Variants in GALNTL6 observed in about 807,000 individuals in gnomAD.
GALNTL6 encodes polypeptide N-acetylgalactosaminyltransferase like 6, also known as polypeptide N-acetylgalactosaminyltransferase-like 6.
In GALNTL6, 46 loss-of-function variants were observed where a neutral mutation model predicts 73.7. The ratio of observed to expected loss-of-function variants is 0.62; its 90% CI spans 0.49 to 0.80. The LOEUF (loss-of-function observed/expected upper bound fraction) is 0.80, where lower values mean the gene tolerates loss of function less well. Among genes scored for constraint, GALNTL6 ranks in the 30% least tolerant of loss-of-function variants. GALNTL6 has a pLI of 0.00. For synonymous variants in GALNTL6, 259 were observed against 263.7 expected (o/e 0.98, Z 0.17); for missense variants, 604 against 755.0 (o/e 0.80, Z 2.34).
chr4:172,036,101 A>G (rs899219346), intron 2 of GALNTL6, among the ~76,000 whole-genome samples: 3 of 152,130 alleles, frequency 2.0e-5, no homozygotes, highest in Non-Finnish European at 2.9e-5. Context: ...CCCAGTAAGT[A>G]TCCCAAAAGT....
chr4:171,980,557 A>G (rs979736477), intron 2 of GALNTL6, among the ~76,000 whole-genome samples: 5 of 152,240 alleles, frequency 3.3e-5, no homozygotes, highest in African/African-American at 9.6e-5. Flanking sequence ...TGCAGTGTGT[A>G]TATTTGTATG....
chr4:172,636,384 A>G (rs2111108935), intron 5 of GALNTL6, among the ~76,000 whole-genome samples: 1 of 152,314 alleles, frequency 6.6e-6, no homozygotes, highest in Admixed American at 6.5e-5. Flanking sequence ...CAGACCTCCA[A>G]ATGTTTCCTT....
intron 5 of GALNTL6, among the ~76,000 whole-genome samples, chr4:172,801,615 G>T (rs1454392963): frequency 6.6e-6 from 1 of 152,154 alleles, no homozygotes; most frequent in Non-Finnish European, 1.5e-5. Flanking sequence ...CAGGGCACTA[G>T]GTCTGGGGCT....
At chr4:172,995,925 C>T (rs991725842) in intron 10 of GALNTL6, among the ~76,000 whole-genome samples, 7 of 152,188 alleles carry the variant, frequency 4.6e-5, no homozygotes, top group Admixed American at 2.0e-4. Context: ...CGCCTCTGTT[C>T]CAACAGGGCA....
At chr4:172,111,092 A>G (rs912852527) in intron 2 of GALNTL6, among the ~76,000 whole-genome samples, 3 of 152,238 alleles carry the variant, frequency 2.0e-5, no homozygotes, top group South Asian at 4.1e-4. Flanking sequence ...AATCAGCATC[A>G]TTAGATAATC....
intron 2 of GALNTL6, among the ~76,000 whole-genome samples, chr4:171,927,233 A>C (rs1560844715): frequency 1.3e-5 from 2 of 152,136 alleles, no homozygotes; most frequent in Admixed American, 6.5e-5. Flanking sequence ...TTAACTGATA[A>C]GATGCCTTCT....
chr4:172,351,185 A>ATCTG (rs1561040531), intron 5 of GALNTL6, among the ~76,000 whole-genome samples: 1 of 41,042 alleles, frequency 2.4e-5, no homozygotes, highest in Non-Finnish European at 5.7e-5. Context: ...TAATCTGTCT[A>ATCTG]TCTATCTATC....
intron 5 of GALNTL6, among the ~76,000 whole-genome samples, chr4:172,705,480 C>T (rs1734293820): frequency 6.6e-6 from 1 of 151,380 alleles, no homozygotes. Context: ...TACACTTTAG[C>T]TCTATTCCTT....
chr4:172,108,948 G>T (rs1732767923), intron 2 of GALNTL6, among the ~76,000 whole-genome samples: 1 of 149,114 alleles, frequency 6.7e-6, no homozygotes, highest in Non-Finnish European at 1.5e-5. Context: ...AGGAGGCAGA[G>T]GTTGCAGTGA....
intron 5 of GALNTL6, among the ~76,000 whole-genome samples, chr4:172,731,454 T>C (rs1229893501): frequency 6.6e-6 from 1 of 152,118 alleles, no homozygotes; most frequent in African/African-American, 2.4e-5. Context: ...TTATTCTTAG[T>C]CTAGCTAAAG....
chr4:172,838,774 C>T (rs1743049217), intron 7 of GALNTL6, among the ~76,000 whole-genome samples: 2 of 152,252 alleles, frequency 1.3e-5, no homozygotes, highest in Admixed American at 6.5e-5. Flanking sequence ...AGACTCCACT[C>T]GACAGCCTGT....
Position 172,960,623 on chromosome 4 carries a change from A to G in GALNTL6, c.1371+8365A>G, listed in dbSNP as rs181316734. On this transcript the variant is annotated intron_variant, in intron 10 of 12. Coordinates refer to ENST00000506823, the MANE Select transcript of GALNTL6 (RefSeq NM_001034845.3). ...GGGAACAGAGACTAGGGAGGGAACA[A>G]TGTGTAAAAGAATGCCTGGACACCA... Among the ~76,000 whole-genome samples, 280 of 152,254 alleles carry G rather than the reference A, an allele frequency of 1.8e-3. 1 individual carries two copies. The highest frequency in any genetic ancestry group is 6.3e-3 in the African/African-American group (263 of 41,538).
intron 8 of GALNTL6, among the ~76,000 whole-genome samples, chr4:172,897,040 G>A (rs1170373085): frequency 6.6e-6 from 1 of 152,180 alleles, no homozygotes. Context: ...GTGTGACAGA[G>A]GCTAGAACCA....
intron 2 of GALNTL6, among the ~76,000 whole-genome samples, chr4:172,207,126 A>G (rs1736165364): frequency 1.3e-5 from 2 of 151,986 alleles, no homozygotes; most frequent in Non-Finnish European, 2.9e-5. Context: ...GTGTTTTAAT[A>G]AATGGGAGAG....
chr4:172,431,998 A>G (rs929020184), intron 5 of GALNTL6, among the ~76,000 whole-genome samples: 2 of 152,134 alleles, frequency 1.3e-5, no homozygotes, highest in African/African-American at 4.8e-5. Flanking sequence ...GTATATTAAG[A>G]TAACACATAA....
At chr4:172,859,703 C>T (rs1019424849) in intron 7 of GALNTL6, among the ~76,000 whole-genome samples, 1 of 152,104 alleles carries the variant, frequency 6.6e-6, no homozygotes, top group African/African-American at 2.4e-5. Flanking sequence ...AGCAAGCGAA[C>T]AAAACTTCAT....
intron 10 of GALNTL6, among the ~76,000 whole-genome samples, chr4:172,969,708 A>C (rs916916877): frequency 1.3e-5 from 2 of 152,220 alleles, no homozygotes; most frequent in Admixed American, 6.5e-5. Flanking sequence ...CTCAAGTATG[A>C]AGGTGGGTGC....
At chr4:172,720,188 A>G (rs2111353602) in intron 5 of GALNTL6, among the ~76,000 whole-genome samples, 1 of 152,228 alleles carries the variant, frequency 6.6e-6, no homozygotes, top group South Asian at 2.1e-4. Context: ...GCTTTTCCTT[A>G]GTTCAGCTAA....
chr4:172,839,728 T>G (rs185182504), intron 7 of GALNTL6, among the ~76,000 whole-genome samples: 47 of 152,190 alleles, frequency 3.1e-4, no homozygotes, highest in African/African-American at 9.9e-4. Flanking sequence ...ACAATGCCTG[T>G]TTGAAAATGT....
Sources: allele counts gnomAD v4.1 joint callset (sites outside exome capture counted in the v4.1 genomes callset), GRCh38; gene constraint gnomAD v4.1.1; transcripts MANE v1.5; gene names NCBI Gene and HGNC (gene_info 2026-07-23, HGNC 2026-07-21).